The following DNAH8 variants were observed in gnomAD, a reference collection of about 807,000 sequenced individuals.
The protein encoded by DNAH8 is axonemal beta dynein heavy chain 8.
In DNAH8, 382 loss-of-function variants were observed where a neutral mutation model predicts 562.1. That is an observed-to-expected ratio of 0.68 (90% CI 0.63 to 0.74). The LOEUF is 0.74. Among genes scored for constraint, DNAH8 ranks in the 30% least tolerant of loss-of-function variants. The pLI is 0.00. For missense variants in DNAH8, 5,203 were observed against 5,620.4 expected, an observed-to-expected ratio of 0.93 and a Z score of 2.37; for synonymous variants, 1,881 against 1,919.4, an observed-to-expected ratio of 0.98 and a Z score of 0.52.
At chr6:39,001,412 C>T (rs1017751070) in intron 88 of DNAH8, among the ~76,000 whole-genome samples, 2 of 152,014 alleles carry the variant, frequency 1.3e-5, no homozygotes, top group Non-Finnish European at 2.9e-5. Flanking sequence ...TATGCGCACA[C>T]ATAGGGAGAA....
At position 38,870,436 on chromosome 6, in the gene DNAH8, C is replaced by G. The variant is rs1412777895; in HGVS notation, c.6864C>G (p.Ile2288Met). The change falls in exon 49 of 93, where the codon ATC becomes ATG. Residue 2288 changes from isoleucine to methionine, a missense_variant. Coordinates refer to ENST00000327475, the MANE Select transcript of DNAH8 (RefSeq NM_001206927.2). ...DEDEPLFLSLINDLFPGLQLD... is the reference protein window; with the variant it reads ...DEDEPLFLSLMNDLFPGLQLD... Reference sequence around the variant, plus strand: ...ATGAACCCCTGTTCCTCAGCTTAATCAATGACCTGTTCCCAGGACTGCAAC... The same window carrying G: ...ATGAACCCCTGTTCCTCAGCTTAATGAATGACCTGTTCCCAGGACTGCAAC... 1.2e-6 allele frequency: 2 copies of G among 1,613,862 alleles called. No homozygotes were observed. Among genetic ancestry groups the G allele is most frequent in the Non-Finnish European group, 8.5e-7 (1 of 1,179,938 alleles).
At chr6:39,006,044 A>T (rs558319084) in intron 88 of DNAH8, among the ~76,000 whole-genome samples, 1 of 152,238 alleles carries the variant, frequency 6.6e-6, no homozygotes, top group Non-Finnish European at 1.5e-5. Context: ...GCCAGCAAGA[A>T]ATTGGGTACC....
At chr6:39,001,540 G>A in intron 88 of DNAH8, among the ~76,000 whole-genome samples, 1 of 152,026 alleles carries the variant, frequency 6.6e-6, no homozygotes, top group Non-Finnish European at 1.5e-5. Context: ...AGGCTGTGGA[G>A]GTAACTTGGG....
intron 16 of DNAH8, among the ~76,000 whole-genome samples, 177 bp downstream of exon 16, chr6:38,781,550 G>A (rs1768615743): frequency 6.6e-6 from 1 of 152,100 alleles, no homozygotes; most frequent in African/African-American, 2.4e-5. Context: ...ATTCCTTCAG[G>A]TTTAGTAGAT....
chr6:39,018,828 A>T (rs1342093527), intron 91 of DNAH8, among the ~76,000 whole-genome samples: 1 of 152,156 alleles, frequency 6.6e-6, no homozygotes, highest in Non-Finnish European at 1.5e-5. Context: ...GGCAAGTAAG[A>T]TGGGCCAAAA....
In DNAH8 at chr6:38,909,394, A is replaced by C. The variant is rs936619299; in HGVS notation, c.9514-124A>C. On this transcript the variant is annotated intron_variant, in intron 64 of 92. Coordinates refer to ENST00000327475, the MANE Select transcript of DNAH8 (RefSeq NM_001206927.2). ...CAACATTAAATTTATATATGACTGC[A>C]GCCCAAGAAGATTCATTTTCAAATC... 1.4e-4 allele frequency: 110 copies of C among 782,534 alleles called. No individual in the cohort carries two copies. In the South Asian group the frequency reaches 1.9e-3, roughly 13 times the overall value. 48.5% of individuals were successfully genotyped at this position (782,534 alleles called of 1,614,324 possible). A position where few individuals can be genotyped will look rare whatever the true frequency, so the allele number is the denominator to read the frequency against.
intron 12 of DNAH8, among the ~76,000 whole-genome samples, chr6:38,775,340 C>T (rs1250755406): frequency 1.3e-5 from 2 of 152,120 alleles, no homozygotes; most frequent in Non-Finnish European, 2.9e-5. Flanking sequence ...AGAACACAGG[C>T]GGATATGTGC....
chr6:39,026,284 G>A (rs1767272746), intron 91 of DNAH8, among the ~76,000 whole-genome samples: 1 of 152,298 alleles, frequency 6.6e-6, no homozygotes, highest in Non-Finnish European at 1.5e-5. Flanking sequence ...AATCTCAGGA[G>A]AGTTTCAAAC....
intron 82 of DNAH8, among the ~76,000 whole-genome samples, chr6:38,970,596 A>C (rs1186013154): frequency 6.6e-6 from 1 of 152,180 alleles, no homozygotes; most frequent in African/African-American, 2.4e-5. Context: ...TAACCACAGG[A>C]TGCCATTTAA....
At chr6:38,857,838 T>C (rs1776325130) in intron 42 of DNAH8, 96 bp downstream of exon 42, 3 of 768,762 alleles carry the variant, frequency 3.9e-6, no homozygotes, top group South Asian at 1.9e-5. Flanking sequence ...TCCATTTACT[T>C]GGTCCTTTTT....
intron 49 of DNAH8, among the ~76,000 whole-genome samples, chr6:38,871,558 C>T (rs2150430966): frequency 6.6e-6 from 1 of 152,216 alleles, no homozygotes; most frequent in East Asian, 1.9e-4. Context: ...AATGGTAATA[C>T]ATTTCTGTCC....
At chr6:38,810,190 G>T (rs1307859959) in intron 24 of DNAH8, among the ~76,000 whole-genome samples, 4 of 152,004 alleles carry the variant, frequency 2.6e-5, no homozygotes, top group African/African-American at 9.7e-5. Context: ...ATTTCATTAT[G>T]ACTGTTGTCT....
intron 85 of DNAH8, among the ~76,000 whole-genome samples, chr6:38,979,135 G>C (rs1763872344): frequency 1.3e-5 from 2 of 152,234 alleles, no homozygotes; most frequent in Admixed American, 6.5e-5. Flanking sequence ...CCTTTGCCAA[G>C]CCTGGAAGTC....
At chr6:38,941,744 T>C (rs1045655787) in intron 79 of DNAH8, among the ~76,000 whole-genome samples, 3 of 152,136 alleles carry the variant, frequency 2.0e-5, no homozygotes, top group African/African-American at 7.2e-5. Context: ...TGGTATTGTA[T>C]GATGCTGAGC....
At chr6:38,767,227 A>T (rs1188869851) in intron 11 of DNAH8, among the ~76,000 whole-genome samples, 1 of 152,194 alleles carries the variant, frequency 6.6e-6, no homozygotes, top group Non-Finnish European at 1.5e-5. Context: ...ACCTGAGGTT[A>T]GGAGTTCAAG....
intron 89 of DNAH8, among the ~76,000 whole-genome samples, chr6:39,009,677 G>A (rs1766054509): frequency 6.6e-6 from 1 of 152,152 alleles, no homozygotes; most frequent in Non-Finnish European, 1.5e-5. Context: ...AAGTGGCAGA[G>A]CAAGAATTTG....
chr6:39,005,904 T>C (rs1189803455), intron 88 of DNAH8, among the ~76,000 whole-genome samples: 1 of 152,268 alleles, frequency 6.6e-6, no homozygotes, highest in Non-Finnish European at 1.5e-5. Context: ...TACTGTGATG[T>C]ATCTACATGT....
intron 70 of DNAH8, among the ~76,000 whole-genome samples, chr6:38,918,511 C>T (rs1239717022): frequency 6.6e-6 from 1 of 152,058 alleles, no homozygotes; most frequent in Non-Finnish European, 1.5e-5. Flanking sequence ...GGTTTGACAC[C>T]TAGAAAGGTT....
intron 3 of DNAH8, among the ~76,000 whole-genome samples, chr6:38,725,012 G>A (rs764517253): frequency 6.6e-6 from 1 of 152,036 alleles, no homozygotes; most frequent in Non-Finnish European, 1.5e-5. Flanking sequence ...GCCTAAAAGA[G>A]CTACTCCCGG....
Sources: gnomAD v4.1 joint callset for allele counts (sites outside exome capture counted in the v4.1 genomes callset) on GRCh38, gnomAD v4.1.1 for gene constraint, MANE v1.5 for transcripts, NCBI Gene and HGNC (gene_info 2026-07-23, HGNC 2026-07-21) for gene names.